The following TMEM132D variants were observed in gnomAD, a reference collection of about 807,000 sequenced individuals.
TMEM132D encodes mature OL transmembrane protein.
Under a neutral mutation model 62.3 loss-of-function variants are expected in TMEM132D, and 21 were observed. The observed-to-expected ratio is 0.34, with a 90% CI of 0.24 to 0.49. The LOEUF (loss-of-function observed/expected upper bound fraction) is 0.49. Ranked by LOEUF, TMEM132D falls within the 20% of genes least tolerant of loss-of-function variation. The pLI is 0.99. For synonymous variants in TMEM132D, 621 were observed against 575.6 expected, an observed-to-expected ratio of 1.08 and a Z score of -1.13; for missense variants, 1,346 against 1,402.8, an observed-to-expected ratio of 0.96 and a Z score of 0.65.
chr12:129,634,086 A>G (rs767284739), intron 2 of TMEM132D, among the ~76,000 whole-genome samples: 11 of 151,998 alleles, frequency 7.2e-5, no homozygotes, highest in Admixed American at 2.0e-4. Flanking sequence ...CCCGCATCCC[A>G]TCCTCCCTGG....
intron 2 of TMEM132D, among the ~76,000 whole-genome samples, chr12:129,611,251 A>G (rs1207167280): frequency 1.3e-5 from 2 of 152,248 alleles, no homozygotes; most frequent in African/African-American, 4.8e-5. Context: ...TAAGAAAACG[A>G]AGACATGGAA....
chr12:129,253,250 A>C (rs76812177), intron 4 of TMEM132D, among the ~76,000 whole-genome samples: 2 of 151,922 alleles, frequency 1.3e-5, no homozygotes, highest in South Asian at 4.2e-4. Flanking sequence ...GAAAAAAAAA[A>C]AGATTCTACA....
At chr12:129,451,237 GT>G (rs1270729310) in intron 3 of TMEM132D, among the ~76,000 whole-genome samples, 4 of 152,106 alleles carry the variant, frequency 2.6e-5, no homozygotes, top group Non-Finnish European at 5.9e-5. Context: ...CTAGAAAAGA[GT>G]TTTTAAAAAA....
At chr12:129,737,063 G>A (rs1301211050) in intron 1 of TMEM132D, among the ~76,000 whole-genome samples, 1 of 152,280 alleles carries the variant, frequency 6.6e-6, no homozygotes, top group South Asian at 2.1e-4. Context: ...TGATCCGCCT[G>A]CCTCAGCATC....
intron 5 of TMEM132D, among the ~76,000 whole-genome samples, chr12:129,091,870 G>C (rs1874928544): frequency 6.6e-6 from 1 of 152,208 alleles, no homozygotes; most frequent in Admixed American, 6.5e-5. Context: ...CCAGCATTCT[G>C]ACATTCATCC....
intron 2 of TMEM132D, among the ~76,000 whole-genome samples, chr12:129,685,893 C>A (rs571910001): frequency 6.6e-6 from 1 of 152,152 alleles, no homozygotes; most frequent in South Asian, 2.1e-4. Flanking sequence ...GATTAATTAC[C>A]GCTTCATTGG....
At chr12:129,875,529 A>C (rs1020505898) in intron 1 of TMEM132D, among the ~76,000 whole-genome samples, 8 of 152,114 alleles carry the variant, frequency 5.3e-5, no homozygotes, top group African/African-American at 1.9e-4. Flanking sequence ...CCTGAGTCCC[A>C]TTTAGAGAGG....
chr12:129,451,040 G>A (rs773457863), intron 3 of TMEM132D, among the ~76,000 whole-genome samples: 4 of 152,036 alleles, frequency 2.6e-5, no homozygotes, highest in African/African-American at 4.8e-5. Flanking sequence ...GGGATTACAG[G>A]CGTGAGCCAC....
At chr12:129,123,162 A>G (rs1258882897) in intron 5 of TMEM132D, among the ~76,000 whole-genome samples, 1 of 152,220 alleles carries the variant, frequency 6.6e-6, no homozygotes, top group Non-Finnish European at 1.5e-5. Flanking sequence ...CAGTTATTTC[A>G]TGAATAAAGC....
intron 3 of TMEM132D, among the ~76,000 whole-genome samples, chr12:129,442,830 A>G (rs540243992): frequency 3.3e-5 from 5 of 152,140 alleles, no homozygotes; most frequent in Non-Finnish European, 7.4e-5. Flanking sequence ...CCTTATGTGT[A>G]TTCATCTTGG....
intron 1 of TMEM132D, among the ~76,000 whole-genome samples, chr12:129,817,652 A>G (rs1872389350): frequency 9.6e-6 from 1 of 104,060 alleles, no homozygotes; most frequent in Non-Finnish European, 1.9e-5. Flanking sequence ...TGTGTCTGTA[A>G]TATGGGGTGT....
intron 2 of TMEM132D, among the ~76,000 whole-genome samples, chr12:129,636,157 A>C (rs942792144): frequency 6.6e-6 from 1 of 152,290 alleles, no homozygotes; most frequent in African/African-American, 2.4e-5. Flanking sequence ...TCCTGCTTAG[A>C]TCTTTAAAAG....
At chr12:129,158,662 A>C (rs1877312770) in intron 5 of TMEM132D, among the ~76,000 whole-genome samples, 1 of 152,236 alleles carries the variant, frequency 6.6e-6, no homozygotes, top group Admixed American at 6.5e-5. Flanking sequence ...AAGAGCAGCC[A>C]CATGAAGAAA....
At chr12:129,166,740 T>C (rs71446269) in intron 5 of TMEM132D, among the ~76,000 whole-genome samples, 90,734 of 147,476 alleles carry the variant, frequency 0.62, 28,858 homozygotes, top group Non-Finnish European at 0.69. Context: ...TATATATATA[T>C]ACACATATAC....
chr12:129,083,099 C>T (rs376835019), intron 6 of TMEM132D, among the ~76,000 whole-genome samples: 6 of 152,200 alleles, frequency 3.9e-5, no homozygotes, highest in Non-Finnish European at 7.4e-5. Context: ...TAAGCCACTA[C>T]GTTAGACAGA....
intron 3 of TMEM132D, among the ~76,000 whole-genome samples, chr12:129,401,966 C>T (rs531562782): frequency 6.3e-4 from 96 of 152,298 alleles, no homozygotes; most frequent in African/African-American, 2.3e-3. Flanking sequence ...TGAGTGGCTG[C>T]AATTCAATAC....
chr12:129,136,136 AC>A (rs1425205632), intron 5 of TMEM132D, among the ~76,000 whole-genome samples: 1 of 152,218 alleles, frequency 6.6e-6, no homozygotes, highest in Non-Finnish European at 1.5e-5. Flanking sequence ...CATACTTGGC[AC>A]CACTTTTTAT....
intron 3 of TMEM132D, among the ~76,000 whole-genome samples, chr12:129,405,522 C>T (rs763173921): frequency 5.9e-5 from 9 of 152,246 alleles, no homozygotes; most frequent in East Asian, 3.9e-4. Flanking sequence ...TGTGGGTCCC[C>T]GACAGAGGCA....
At chr12:129,769,398 T>C (rs200487693) in intron 1 of TMEM132D, among the ~76,000 whole-genome samples, 1 of 152,156 alleles carries the variant, frequency 6.6e-6, no homozygotes, top group Non-Finnish European at 1.5e-5. Flanking sequence ...TGAGACTTAT[T>C]CACCACCACA....
Sources: allele counts gnomAD v4.1 joint callset (sites outside exome capture counted in the v4.1 genomes callset), GRCh38; gene constraint gnomAD v4.1.1; transcripts MANE v1.5; gene names NCBI Gene and HGNC (gene_info 2026-07-23, HGNC 2026-07-21).